Variants in PPP2R5C observed in about 807,000 individuals in gnomAD.
PPP2R5C encodes the protein serine/threonine-protein phosphatase 2A 56 kDa regulatory subunit gamma isoform.
PPP2R5C carries 7 observed loss-of-function variants against 68.9 expected under a neutral mutation model. That is an observed-to-expected ratio of 0.10 (90% confidence interval 0.06 to 0.19). The LOEUF (loss-of-function observed/expected upper bound fraction) is 0.19. Ranked by LOEUF, PPP2R5C falls within the 10% of genes least tolerant of loss-of-function variation. The pLI, the probability that PPP2R5C is intolerant of heterozygous loss-of-function variation, is 1.00. For missense variants in PPP2R5C, 348 were observed against 641.3 expected (o/e 0.54, Z 4.94); for synonymous variants, 210 against 222.2 (o/e 0.95, Z 0.49).
chr14:101,821,444 G>GT (rs1555386174), intron 1 of PPP2R5C, among the ~76,000 whole-genome samples: 6 of 130,060 alleles, frequency 4.6e-5, no homozygotes, highest in African/African-American at 1.7e-4. Context: ...GTGGGGGGTG[G>GT]GTGGGTGGGT....
intron 2 of PPP2R5C, among the ~76,000 whole-genome samples, chr14:101,870,990 C>T (rs2043373303): frequency 6.6e-6 from 1 of 152,036 alleles, no homozygotes; most frequent in African/African-American, 2.4e-5. Flanking sequence ...TGTATATCCC[C>T]TCTTGGTGAA....
intron 8 of PPP2R5C, among the ~76,000 whole-genome samples, chr14:101,901,209 A>G (rs1402055916): frequency 6.6e-6 from 1 of 152,180 alleles, no homozygotes; most frequent in Non-Finnish European, 1.5e-5. Flanking sequence ...ATGAATTGAT[A>G]ATGCTCTGTG....
chr14:101,856,805 G>A, exon 2 of PPP2R5C: 2 of 1,614,154 alleles, frequency 1.2e-6, no homozygotes, highest in African/African-American at 2.7e-5. Flanking sequence ...AAAACGAGCT[G>A]CTTTAAGTGA....
chr14:101,773,946 C>T (rs932249442), intron 2 of PPP2R5C, among the ~76,000 whole-genome samples: 1 of 152,250 alleles, frequency 6.6e-6, no homozygotes, highest in Non-Finnish European at 1.5e-5. Context: ...CCTCCTACCT[C>T]GGCCTTCCGA....
intron 2 of PPP2R5C, among the ~76,000 whole-genome samples, chr14:101,875,676 G>A (rs1022754952): frequency 6.6e-6 from 1 of 152,134 alleles, no homozygotes; most frequent in Admixed American, 6.5e-5. Context: ...TTACAAATGG[G>A]GAAAGGGGTA....
chr14:101,924,144 AAC>A lies in PPP2R5C; in HGVS notation c.1444-993_1444-992del, dbSNP rs1227700857. On this transcript the variant is annotated intron_variant, in intron 13 of 13. Coordinates refer to ENST00000334743, the Ensembl canonical transcript of PPP2R5C. ...TGTTTTGTTTCAGAATATTGGTATTAACACAGTGTCTCTACTTTTAAACTGAA... is the reference window on the plus strand; with the variant it reads ...TGTTTTGTTTCAGAATATTGGTATTAACAGTGTCTCTACTTTTAAACTGAA... Among the ~76,000 whole-genome samples, 11 of 152,204 alleles carry A rather than the reference AAC, an allele frequency of 7.2e-5. No homozygotes were observed. The East Asian group carries it at 2.1e-3, about 29-fold the overall frequency.
In PPP2R5C at chr14:101,790,893, A is replaced by T. The variant is rs190735489; in HGVS notation, c.259+4710A>T. Among the ~76,000 whole-genome samples the T allele has an allele frequency of 1.8e-3, 269 of 152,320 alleles. 1 individual carries two copies. The highest frequency in any genetic ancestry group is 5.7e-3 in the African/African-American group (235 of 41,574). On this transcript the variant is annotated intron_variant, in intron 3 of 14. Transcript: ENST00000328724. ...CAGGAGATCAAGGCCATCCTGGCTA[A>T]CACGGTGAAACTCCATCTTTACTAA...
rs1490529678 is a variant in PPP2R5C at position 101,825,211 on chromosome 14, C to CATGTGTGTGT, written c.94+15175_94+15176insATGTGTGTGT. 8.4e-5 allele frequency among the ~76,000 whole-genome samples: 12 copies of CATGTGTGTGT among 143,004 alleles called. No individual in the cohort carries two copies. Among genetic ancestry groups the CATGTGTGTGT allele is most frequent in the African/African-American group, 3.1e-4 (12 of 38,436 alleles). The allele number at this position is 143,004 out of a possible 152,430, so 93.8% of individuals were successfully genotyped here. Reference sequence around the variant, plus strand: ...AGGGATAGGATAAGAGGGTTTTCAGCGTGTGTGTGTGTGTGTGTGTGTGTG... The same window carrying CATGTGTGTGT: ...AGGGATAGGATAAGAGGGTTTTCAGCATGTGTGTGTGTGTGTGTGTGTGTGTGTGTGTGTG... On this transcript the variant is annotated intron_variant, in intron 1 of 13. Transcript: ENST00000334743. This position sits in a 1 kb window ranked among gnomAD's most constrained non-coding sequence, Gnocchi z 4.0.
chr14:101,800,173 C>T (rs2140134743), intron 3 of PPP2R5C, among the ~76,000 whole-genome samples: 1 of 152,256 alleles, frequency 6.6e-6, no homozygotes, highest in East Asian at 1.9e-4. Context: ...CACTTGAGCT[C>T]AGGATGCTGA....
chr14:101,908,696 A>G (rs1275766449), intron 10 of PPP2R5C, among the ~76,000 whole-genome samples: 12 of 151,370 alleles, frequency 7.9e-5, no homozygotes, highest in Non-Finnish European at 1.5e-4. Context: ...TTTTTTTTTA[A>G]TCGCAACAAT....
intron 1 of PPP2R5C, among the ~76,000 whole-genome samples, chr14:101,830,458 T>C (rs1241626598): frequency 6.6e-6 from 1 of 152,200 alleles, no homozygotes; most frequent in Non-Finnish European, 1.5e-5. Flanking sequence ...GACAGCCAAG[T>C]GTTGGCCCAA....
In PPP2R5C at chr14:101,912,270, G is replaced by T. The variant is rs115925028; in HGVS notation, c.1254-131G>T. 1,232 of 613,180 alleles carry T rather than the reference G, an allele frequency of 2.0e-3. 14 individuals are homozygous for T. The African/African-American group carries it at 0.021, about 10-fold the overall frequency. 38.0% of individuals were successfully genotyped at this position (613,180 alleles called of 1,614,324 possible). ...TTCATGCTGTGCTCAGCACGTAAGT[G>T]TGGGGAAATGGAGCAGGGGGGCTGC... On this transcript the variant is annotated intron_variant, in intron 11 of 13. Transcript: ENST00000334743.
intron 1 of PPP2R5C, chr14:101,819,799 GT>G (rs1183988058): frequency 6.6e-6 from 1 of 152,454 alleles, no homozygotes; most frequent in Non-Finnish European, 1.5e-5. Context: ...TGTTGTTGTT[GT>G]TTTGGTAGAG....
chr14:101,885,051 C>T (rs1323945345), intron 5 of PPP2R5C, among the ~76,000 whole-genome samples: 1 of 152,214 alleles, frequency 6.6e-6, no homozygotes, highest in African/African-American at 2.4e-5. Flanking sequence ...GAGGTAGTGA[C>T]ACATCCTGGT....
Position 101,797,326 on chromosome 14 carries a change from G to A in PPP2R5C, c.259+11143G>A, listed in dbSNP as rs1462034378. On this transcript the variant is annotated intron_variant, in intron 3 of 14. Coordinates refer to the PPP2R5C transcript ENST00000328724. This position sits in a 1 kb window ranked among gnomAD's most constrained non-coding sequence, Gnocchi z 4.2. The stretch of plus-strand genomic sequence containing the variant: ...TATCCCCCAATCAGTGGATGGACGC[G>A]TGGGTTGCAGAGCACGCCACACACA... The A allele has an allele frequency of 1.3e-5, 6 of 455,868 alleles. No homozygotes were observed. The highest frequency in any genetic ancestry group is 2.0e-5 in the African/African-American group (1 of 50,066). 28.2% of individuals were successfully genotyped at this position (455,868 alleles called of 1,614,324 possible). A position where few individuals can be genotyped will look rare whatever the true frequency, so the allele number is the denominator to read the frequency against.
chr14:101,868,389 C>T (rs980447492), intron 2 of PPP2R5C, among the ~76,000 whole-genome samples: 1 of 152,000 alleles, frequency 6.6e-6, no homozygotes, highest in Non-Finnish European at 1.5e-5. Flanking sequence ...GAAACAAATA[C>T]GAAAGCATTT....
At chr14:101,911,754 C>T (rs924036074) in intron 11 of PPP2R5C, among the ~76,000 whole-genome samples, 2 of 151,968 alleles carry the variant, frequency 1.3e-5, no homozygotes, top group East Asian at 1.9e-4. Flanking sequence ...GGTAGTAGCA[C>T]GCACCTGTAA....
chr14:101,881,415 A>AATAC (rs1489797567), intron 2 of PPP2R5C, among the ~76,000 whole-genome samples: 3 of 152,298 alleles, frequency 2.0e-5, no homozygotes, highest in Non-Finnish European at 2.9e-5. Flanking sequence ...TAAATAAATA[A>AATAC]ATACATAGAT....
At chr14:101,852,423 A>T (rs1281164353) in intron 1 of PPP2R5C, among the ~76,000 whole-genome samples, 1 of 151,914 alleles carries the variant, frequency 6.6e-6, no homozygotes, top group African/African-American at 2.4e-5. Flanking sequence ...TACGTTTTTT[A>T]AAGAATAGCA....
Sources: allele counts gnomAD v4.1 joint callset (sites outside exome capture counted in the v4.1 genomes callset), GRCh38; gene constraint gnomAD v4.1.1; non-coding constraint Gnocchi (gnomAD v3.1); transcripts MANE v1.5; gene names NCBI Gene and HGNC (gene_info 2026-07-23, HGNC 2026-07-21).